The following CHMP2B variants were observed in gnomAD, a reference collection of about 807,000 sequenced individuals.
The protein encoded by CHMP2B is charged multivesicular body protein 2B.
Under a neutral mutation model 29.8 loss-of-function variants are expected in CHMP2B, and 22 were observed. That is an observed-to-expected ratio of 0.74 (90% confidence interval 0.53 to 1.05). The LOEUF (loss-of-function observed/expected upper bound fraction) is 1.05. Among genes scored for constraint, CHMP2B ranks in the 50% least tolerant of loss-of-function variants. The pLI is 0.00. For synonymous variants in CHMP2B, 78 were observed against 75.8 expected (o/e 1.03, Z -0.15); for missense variants, 261 against 252.2 (o/e 1.03, Z -0.24).
Position 87,237,012 on chromosome 3 carries a change from TG to T in CHMP2B, c.35-3683del, listed in dbSNP as rs963826172. Among the ~76,000 whole-genome samples, 23 of 152,232 alleles carry T rather than the reference TG, an allele frequency of 1.5e-4. 1 individual carries two copies. The highest frequency in any genetic ancestry group is 1.5e-3 in the Admixed American group (23 of 15,292). On this transcript the variant is annotated intron_variant, in intron 1 of 5. Transcript: ENST00000263780. ...TAGAGCACATTTTCTATGGAAACAGTGGGGTAAGTGGTAAATGTTTTTTATA... is the reference window on the plus strand; with the variant it reads ...TAGAGCACATTTTCTATGGAAACAGTGGGTAAGTGGTAAATGTTTTTTATA...
At chr3:87,229,366 A>T (rs1705866146) in intron 1 of CHMP2B, among the ~76,000 whole-genome samples, 1 of 152,228 alleles carries the variant, frequency 6.6e-6, no homozygotes, top group Admixed American at 6.5e-5. Flanking sequence ...CTATGCCACT[A>T]AATTAACCAT....
At position 87,227,355 on chromosome 3, in the gene CHMP2B, T is replaced by C. The variant is rs1399893349; in HGVS notation, c.-168T>C. On this transcript the variant is annotated 5_prime_UTR_variant, in exon 1 of 6. Coordinates refer to ENST00000263780, the MANE Select transcript of CHMP2B (RefSeq NM_014043.4). Reference sequence around the variant, plus strand: ...CTCCGGGTGACGCGGCTGCGGTAGCTGCGGATACAAGCCTTCCGCGGGTCC... The same window carrying C: ...CTCCGGGTGACGCGGCTGCGGTAGCCGCGGATACAAGCCTTCCGCGGGTCC... 1.0e-5 allele frequency: 7 copies of C among 693,742 alleles called. No individual in the cohort carries two copies. The highest frequency in any genetic ancestry group is 1.5e-5 in the Non-Finnish European group (6 of 390,004). The allele number at this position is 693,742 out of a possible 1,614,324, so 43.0% of individuals were successfully genotyped here.
chr3:87,235,239 A>G (rs765136189), intron 1 of CHMP2B, among the ~76,000 whole-genome samples: 5 of 152,238 alleles, frequency 3.3e-5, no homozygotes, highest in Non-Finnish European at 5.9e-5. Flanking sequence ...AAACATTAAA[A>G]TTGCCTCAGA....
chr3:87,229,358 A>G (rs1705866069), intron 1 of CHMP2B, among the ~76,000 whole-genome samples: 1 of 152,206 alleles, frequency 6.6e-6, no homozygotes, highest in Non-Finnish European at 1.5e-5. Flanking sequence ...GCTAGGAACT[A>G]TGCCACTAAA....
At chr3:87,248,130 T>C (rs753521605) in intron 3 of CHMP2B, among the ~76,000 whole-genome samples, 10 of 151,776 alleles carry the variant, frequency 6.6e-5, no homozygotes, top group Non-Finnish European at 1.2e-4. Context: ...AAACCCCACC[T>C]CTACTAAAAA....
intron 1 of CHMP2B, among the ~76,000 whole-genome samples, chr3:87,238,426 A>G (rs865853449): frequency 7.2e-5 from 11 of 152,172 alleles, no homozygotes; most frequent in African/African-American, 2.7e-4. Flanking sequence ...TCATCACCTT[A>G]GAATAAAATC....
chr3:87,246,001 G>C, intron 3 of CHMP2B, 93 bp downstream of exon 3: 1 of 967,398 alleles, frequency 1.0e-6, no homozygotes, highest in Non-Finnish European at 1.6e-6. Context: ...ACCTCCTGGT[G>C]TATATGTGAT....
At chr3:87,229,938 C>T (rs1371736141) in intron 1 of CHMP2B, among the ~76,000 whole-genome samples, 1 of 152,194 alleles carries the variant, frequency 6.6e-6, no homozygotes, top group Non-Finnish European at 1.5e-5. Context: ...GAACAAGTCT[C>T]TGCGGTGTAT....
chr3:87,238,697 C>T (rs1467639369), intron 1 of CHMP2B, among the ~76,000 whole-genome samples: 4 of 152,156 alleles, frequency 2.6e-5, no homozygotes, highest in Non-Finnish European at 4.4e-5. Flanking sequence ...TTTATCTGTG[C>T]ACCTCTTTGT....
chr3:87,253,492 A>G lies in CHMP2B; in HGVS notation c.513A>G (p.Gly171=). 6.2e-7 allele frequency: 1 copy of G among 1,608,200 alleles called. No homozygotes were observed. The highest frequency in any genetic ancestry group is 8.5e-7 in the Non-Finnish European group (1 of 1,174,926). ...TGAATCAAGTTCTTGATGAAATTGGAATTGAAATTTCTGGAAAGGTATGAA... is the reference window on the plus strand; with the variant it reads ...TGAATCAAGTTCTTGATGAAATTGGGATTGAAATTTCTGGAAAGGTATGAA... ...DIVNQVLDEI[G]IEISGKMAKA... is the part of the protein sequence containing the mutation. Residue 171 remains glycine (G), a synonymous_variant, in exon 5 of 6, where the codon GGA becomes GGG. Transcript: ENST00000263780.
chr3:87,233,305 A>T (rs1015204210), intron 1 of CHMP2B, among the ~76,000 whole-genome samples: 1 of 152,142 alleles, frequency 6.6e-6, no homozygotes, highest in African/African-American at 2.4e-5. Context: ...TTGCATATCA[A>T]ATTCTAATTA....
At chr3:87,252,523 A>G (rs1034731928) in intron 4 of CHMP2B, among the ~76,000 whole-genome samples, 21 of 151,896 alleles carry the variant, frequency 1.4e-4, no homozygotes, top group Middle Eastern at 3.4e-3. Context: ...GTTAAACCCT[A>G]CGTATCCTTG....
chr3:87,233,733 A>G (rs570312662), intron 1 of CHMP2B, among the ~76,000 whole-genome samples: 20 of 152,296 alleles, frequency 1.3e-4, no homozygotes, highest in African/African-American at 4.3e-4. Flanking sequence ...AAAACCAGTT[A>G]ATGGAGATTA....
chr3:87,239,066 TC>T (rs1706067932), intron 1 of CHMP2B, among the ~76,000 whole-genome samples: 1 of 152,178 alleles, frequency 6.6e-6, no homozygotes, highest in Non-Finnish European at 1.5e-5. Context: ...CATTTGTGTA[TC>T]TTCTTTGGCA....
intron 1 of CHMP2B, among the ~76,000 whole-genome samples, chr3:87,228,082 C>T (rs1705846120): frequency 6.6e-6 from 1 of 152,048 alleles, no homozygotes; most frequent in African/African-American, 2.4e-5. Flanking sequence ...TTTTGATTAA[C>T]CCCAGTAGAA....
chr3:87,233,565 A>G (rs1195620560), intron 1 of CHMP2B, among the ~76,000 whole-genome samples: 3 of 151,950 alleles, frequency 2.0e-5, no homozygotes, highest in African/African-American at 4.8e-5. Flanking sequence ...ATTGACGCTC[A>G]CTCTGGGCTT....
At chr3:87,242,920 T>G (rs530816823) in intron 2 of CHMP2B, among the ~76,000 whole-genome samples, 2 of 152,324 alleles carry the variant, frequency 1.3e-5, no homozygotes, top group Middle Eastern at 6.8e-3. Flanking sequence ...CTATTTTAGG[T>G]GCTTTGCATT....
intron 3 of CHMP2B, among the ~76,000 whole-genome samples, chr3:87,246,955 A>T (rs1366004403): frequency 2.0e-5 from 3 of 152,244 alleles, no homozygotes; most frequent in Non-Finnish European, 4.4e-5. Context: ...GACATTGCAT[A>T]AGACAAAGGT....
chr3:87,249,852 G>A, intron 3 of CHMP2B, 23 bp from the exon 4 acceptor site: 1 of 1,431,548 alleles, frequency 7.0e-7, no homozygotes, highest in South Asian at 1.2e-5. Context: ...GAAGTAACAT[G>A]AATCTTGTAA....
Sources: allele counts gnomAD v4.1 joint callset (sites outside exome capture counted in the v4.1 genomes callset), GRCh38; gene constraint gnomAD v4.1.1; transcripts MANE v1.5; gene names NCBI Gene and HGNC (gene_info 2026-07-23, HGNC 2026-07-21).